Variants in SLIT2 observed in about 807,000 individuals in gnomAD.
The protein encoded by SLIT2 is slit homolog 2 protein.
SLIT2 carries 41 observed loss-of-function variants against 185.7 expected under a neutral mutation model. The observed-to-expected ratio is 0.22, with a 90% CI of 0.17 to 0.29. SLIT2 has a LOEUF of 0.29. Among genes scored for constraint, SLIT2 ranks in the 10% least tolerant of loss-of-function variants. SLIT2 has a pLI of 1.00. For missense variants in SLIT2, 1,571 were observed against 1,909.0 expected (o/e 0.82, Z 3.30); for synonymous variants, 693 against 680.2 (o/e 1.02, Z -0.29).
At chr4:20,395,786 C>A (rs1235498358) in intron 4 of SLIT2, among the ~76,000 whole-genome samples, 1 of 151,664 alleles carries the variant, frequency 6.6e-6, no homozygotes, top group Non-Finnish European at 1.5e-5. Context: ...CAAGCTAACC[C>A]CTAACTTATA....
intron 29 of SLIT2, among the ~76,000 whole-genome samples, chr4:20,576,984 T>G (rs946903058): frequency 1.3e-5 from 2 of 152,076 alleles, no homozygotes; most frequent in African/African-American, 4.8e-5. Flanking sequence ...GTAAGTTTTT[T>G]TTTTTTCATT....
chr4:20,257,013 A>C (rs1711920338), intron 2 of SLIT2, among the ~76,000 whole-genome samples: 1 of 152,170 alleles, frequency 6.6e-6, no homozygotes, highest in Admixed American at 6.5e-5. Context: ...TATGCATATA[A>C]AAATGTTGAA....
intron 33 of SLIT2, among the ~76,000 whole-genome samples, chr4:20,600,563 C>G (rs538889751): frequency 6.6e-6 from 1 of 151,846 alleles, no homozygotes; most frequent in Non-Finnish European, 1.5e-5. Context: ...GCTGGGACTA[C>G]GGGCACCCAC....
chr4:20,540,459 G>T (rs1722706997), intron 19 of SLIT2, among the ~76,000 whole-genome samples: 1 of 151,952 alleles, frequency 6.6e-6, no homozygotes, highest in Non-Finnish European at 1.5e-5. Context: ...TAAAAATAAA[G>T]AGTATTTGTA....
chr4:20,461,221 G>A (rs534987314), intron 4 of SLIT2, among the ~76,000 whole-genome samples: 1 of 152,136 alleles, frequency 6.6e-6, no homozygotes, highest in African/African-American at 2.4e-5. Context: ...AAAGCTGAAC[G>A]ATATGGAAGA....
chr4:20,542,128 T>C (rs1722849670), intron 20 of SLIT2, among the ~76,000 whole-genome samples: 1 of 152,220 alleles, frequency 6.6e-6, no homozygotes, highest in Non-Finnish European at 1.5e-5. Context: ...CCTAAACTTT[T>C]AAGTTAATAT....
intron 4 of SLIT2, among the ~76,000 whole-genome samples, chr4:20,402,137 G>A (rs1050317276): frequency 1.3e-4 from 19 of 151,638 alleles, no homozygotes; most frequent in Non-Finnish European, 1.5e-5. Context: ...ACAGGAAGTT[G>A]GTCCTGGAAG....
chr4:20,300,656 A>G (rs1716955870), intron 4 of SLIT2, among the ~76,000 whole-genome samples: 1 of 151,996 alleles, frequency 6.6e-6, no homozygotes, highest in Admixed American at 6.6e-5. Context: ...TATTTCCTGT[A>G]TATTCACTAA....
At chr4:20,272,544 C>G (rs1319744223) in intron 4 of SLIT2, among the ~76,000 whole-genome samples, 1 of 152,034 alleles carries the variant, frequency 6.6e-6, no homozygotes, top group Admixed American at 6.6e-5. Flanking sequence ...GTGATTCACA[C>G]TTTTTGATGA....
At position 20,528,321 on chromosome 4, in the gene SLIT2, G is replaced by A. The variant is rs1180252613; in HGVS notation, c.1463-628G>A. The A allele has an allele frequency of 1.9e-6, 1 of 534,624 alleles. No individual in the cohort carries two copies. Among genetic ancestry groups the A allele is most frequent in the South Asian group, 1.4e-5 (1 of 71,578 alleles). 33.1% of individuals were successfully genotyped at this position (534,624 alleles called of 1,614,324 possible). A position where few individuals can be genotyped will look rare whatever the true frequency, so the allele number is the denominator to read the frequency against. On this transcript the variant is annotated intron_variant, in intron 15 of 36. Transcript: ENST00000504154. This position sits in a 1 kb window ranked among gnomAD's most constrained non-coding sequence, Gnocchi z 4.2. ...CTGTTGTGCTTGATCTAACCATGTGGTTGCGAGGTATGAGTAAAACATGGT... is the reference window on the plus strand; with the variant it reads ...CTGTTGTGCTTGATCTAACCATGTGATTGCGAGGTATGAGTAAAACATGGT...
intron 4 of SLIT2, among the ~76,000 whole-genome samples, chr4:20,269,252 T>C (rs980452408): frequency 6.6e-6 from 1 of 151,892 alleles, no homozygotes; most frequent in African/African-American, 2.4e-5. Context: ...AGTTGAGATT[T>C]TTAATGTCAG....
intron 4 of SLIT2, among the ~76,000 whole-genome samples, chr4:20,419,667 CTGTGTGTGTGTGTGTG>C (rs55679047): frequency 3.6e-5 from 5 of 138,084 alleles, no homozygotes; most frequent in East Asian, 4.3e-4. Flanking sequence ...AAGTTTTAAG[CTGTGTGTGTGTGTGTG>C]TGTGTGTGTG....
At chr4:20,356,742 T>A (rs1047669430) in intron 4 of SLIT2, among the ~76,000 whole-genome samples, 11 of 152,162 alleles carry the variant, frequency 7.2e-5, no homozygotes, top group African/African-American at 2.7e-4. Flanking sequence ...TAGCCATTGT[T>A]TCAGTTGCCT....
At chr4:20,584,742 C>T (rs1374633892) in intron 29 of SLIT2, among the ~76,000 whole-genome samples, 3 of 152,088 alleles carry the variant, frequency 2.0e-5, no homozygotes, top group Non-Finnish European at 4.4e-5. Context: ...CCATATATAA[C>T]CGACAGACAA....
chr4:20,298,333 C>G (rs1716701191), intron 4 of SLIT2, among the ~76,000 whole-genome samples: 2 of 152,144 alleles, frequency 1.3e-5, no homozygotes, highest in African/African-American at 4.8e-5. Context: ...AGGTGATCTG[C>G]CTGCCTTGGC....
At chr4:20,419,736 ATAGAG>A (rs1473874442) in intron 4 of SLIT2, among the ~76,000 whole-genome samples, 1 of 150,770 alleles carries the variant, frequency 6.6e-6, no homozygotes, top group Non-Finnish European at 1.5e-5. Context: ...AGTGACTGTT[ATAGAG>A]TAGAAGTTCA....
At chr4:20,393,913 A>C (rs1725662035) in intron 4 of SLIT2, among the ~76,000 whole-genome samples, 2 of 152,088 alleles carry the variant, frequency 1.3e-5, no homozygotes, top group South Asian at 4.1e-4. Flanking sequence ...TGAGGGCAGC[A>C]TCTTTATTGG....
intron 4 of SLIT2, among the ~76,000 whole-genome samples, chr4:20,386,641 C>T (rs1724959233): frequency 6.6e-6 from 1 of 152,150 alleles, no homozygotes; most frequent in Non-Finnish European, 1.5e-5. Flanking sequence ...TTATTGAGAG[C>T]TATTTATATG....
Position 20,252,014 on chromosome 4 carries a change from C to T in SLIT2, c.-1802C>T, listed in dbSNP as rs984459724. Among the ~76,000 whole-genome samples the T allele has an allele frequency of 6.6e-6, 1 of 151,956 alleles. No homozygotes were observed. Among genetic ancestry groups the T allele is most frequent in the African/African-American group, 2.4e-5 (1 of 41,352 alleles). ...AAAAAGAAGGCGGCGGCGGCGGCGGCGGCGGAGGCGGAGGCAGCTGCGAGG... is the reference window on the plus strand; with the variant it reads ...AAAAAGAAGGCGGCGGCGGCGGCGGTGGCGGAGGCGGAGGCAGCTGCGAGG... On this transcript the variant is annotated 5_prime_UTR_variant, in exon 1 of 37. Transcript: ENST00000504154.
Sources: allele counts gnomAD v4.1 joint callset (sites outside exome capture counted in the v4.1 genomes callset), GRCh38; gene constraint gnomAD v4.1.1; non-coding constraint Gnocchi (gnomAD v3.1); transcripts MANE v1.5; gene names NCBI Gene and HGNC (gene_info 2026-07-23, HGNC 2026-07-21).